Variants in PTPRQ observed in about 807,000 individuals in gnomAD.
PTPRQ encodes protein tyrosine phosphatase receptor type Q.
A neutral mutation model predicts 246.0 loss-of-function variants in PTPRQ; 199 were observed. The observed-to-expected ratio is 0.81, with a 90% CI of 0.72 to 0.91. The LOEUF (loss-of-function observed/expected upper bound fraction) is 0.91, where lower values mean the gene tolerates loss of function less well. Ranked by LOEUF, PTPRQ falls within the 40% of genes least tolerant of loss-of-function variation. The probability of loss-of-function intolerance (pLI) is 0.00; values close to 1 mark genes in which losing one functional copy is unlikely to be tolerated. For missense variants in PTPRQ, 2,624 were observed against 2,528.4 expected (o/e 1.04, Z -0.81); for synonymous variants, 869 against 853.2 (o/e 1.02, Z -0.32).
intron 25 of PTPRQ, among the ~76,000 whole-genome samples, chr12:80,569,098 T>C (rs1260840096): frequency 6.6e-6 from 1 of 151,614 alleles, no homozygotes; most frequent in Non-Finnish European, 1.5e-5. Context: ...TACTGAGTTA[T>C]AGGAGTTCTT....
intron 17 of PTPRQ, among the ~76,000 whole-genome samples, chr12:80,522,275 A>G (rs1409536921): frequency 2.0e-5 from 3 of 152,074 alleles, no homozygotes; most frequent in Non-Finnish European, 2.9e-5. Context: ...GAGACGATGG[A>G]GTTTTCTAGA....
rs12314008 is a variant in PTPRQ, at chr12:80,594,490, A to G, written c.4609+6038A>G. Among the ~76,000 whole-genome samples, 327 of 152,256 alleles carry G rather than the reference A, an allele frequency of 2.1e-3. 3 individuals carry two copies. The highest frequency in any genetic ancestry group is 7.5e-3 in the African/African-American group (310 of 41,570). On this transcript the variant is annotated intron_variant, in intron 26 of 44. Coordinates refer to ENST00000644991, the MANE Select transcript of PTPRQ (RefSeq NM_001145026.2). ...TAAATTAGTTACACAGGACTCCCTA[A>G]TGGGTAATTCAAGACAACATTTCTG...
chr12:80,542,629 A>G, intron 22 of PTPRQ, 101 bp from the exon 23 acceptor site: 1 of 1,308,116 alleles, frequency 7.6e-7, no homozygotes, highest in Non-Finnish European at 1.0e-6. Context: ...TGATCATTTT[A>G]TAAATCTTTT....
At chr12:80,642,354 G>A (rs887173519) in intron 35 of PTPRQ, among the ~76,000 whole-genome samples, 4 of 152,130 alleles carry the variant, frequency 2.6e-5, no homozygotes, top group African/African-American at 9.7e-5. Context: ...ACTTTGATCA[G>A]TCTCTTTCTC....
At chr12:80,467,979 C>T (rs1332455469) in intron 6 of PTPRQ, among the ~76,000 whole-genome samples, 1 of 152,220 alleles carries the variant, frequency 6.6e-6, no homozygotes, top group African/African-American at 2.4e-5. Flanking sequence ...GCACGTTGTG[C>T]ACATGTACCC....
chr12:80,672,621 A>T (rs1379024422), intron 42 of PTPRQ, among the ~76,000 whole-genome samples: 1 of 152,038 alleles, frequency 6.6e-6, no homozygotes, highest in Non-Finnish European at 1.5e-5. Flanking sequence ...TGGAGCATAT[A>T]CCTGTCTTTG....
intron 8 of PTPRQ, among the ~76,000 whole-genome samples, chr12:80,476,293 T>C (rs1342622755): frequency 6.6e-6 from 1 of 152,182 alleles, no homozygotes; most frequent in Non-Finnish European, 1.5e-5. Flanking sequence ...TGCATATTGG[T>C]AAATATGATG....
At chr12:80,620,679 C>A (rs139326483) in intron 32 of PTPRQ, among the ~76,000 whole-genome samples, 35 of 151,852 alleles carry the variant, frequency 2.3e-4, no homozygotes, top group Middle Eastern at 6.8e-3. Flanking sequence ...GAATTTAATT[C>A]TTTCTGTAGA....
chr12:80,463,273 G>T (rs1441719985), intron 6 of PTPRQ, among the ~76,000 whole-genome samples: 1 of 152,204 alleles, frequency 6.6e-6, no homozygotes, highest in African/African-American at 2.4e-5. Flanking sequence ...ATCAGCGATG[G>T]AAGATGAAAT....
At chr12:80,622,431 A>G (rs1592727753) in intron 33 of PTPRQ, among the ~76,000 whole-genome samples, 1 of 152,006 alleles carries the variant, frequency 6.6e-6, no homozygotes, top group East Asian at 1.9e-4. Flanking sequence ...GTCTGGAGCC[A>G]TTTTTGGCTG....
At chr12:80,676,164 G>A (rs143926697) in intron 43 of PTPRQ, among the ~76,000 whole-genome samples, 2,016 of 152,172 alleles carry the variant, frequency 0.013, 46 homozygotes, top group African/African-American at 0.046. Flanking sequence ...AACCAGCATT[G>A]CCTTGCACAA....
rs147912532 is a variant in PTPRQ, at chr12:80,574,774, T to C, written c.4286-13355T>C. 1.5e-4 allele frequency among the ~76,000 whole-genome samples: 23 copies of C among 152,334 alleles called. No homozygotes were observed. In the East Asian group the frequency reaches 4.2e-3, roughly 28 times the overall value. ...ATGTCAGGTTGTTATACGTGTCAGC[T>C]ATATATATTAATATACGTGTGTATG... On this transcript the variant is annotated intron_variant, in intron 25 of 44. Transcript: ENST00000644991.
At chr12:80,564,005 CT>C (rs1213075511) in intron 25 of PTPRQ, among the ~76,000 whole-genome samples, 1 of 151,820 alleles carries the variant, frequency 6.6e-6, no homozygotes, top group East Asian at 1.9e-4. Context: ...TGAAAATTTT[CT>C]GTCTTGCTAG....
At chr12:80,614,513 A>G (rs149110339) in intron 29 of PTPRQ, among the ~76,000 whole-genome samples, 2,677 of 151,030 alleles carry the variant, frequency 0.018, 54 homozygotes, top group South Asian at 0.071. Flanking sequence ...ATTAATATCA[A>G]TGTAATTATC....
At position 80,463,535 on chromosome 12, in the gene PTPRQ, T is replaced by G. The variant is rs550798172; in HGVS notation, c.910+2633T>G. Among the ~76,000 whole-genome samples the G allele has an allele frequency of 2.9e-3, 445 of 151,980 alleles. 3 individuals are homozygous for G. Among genetic ancestry groups the G allele is most frequent in the African/African-American group, 0.01 (426 of 41,306 alleles). ...CAGAGAATGCCACAAAGATACTCCT[T>G]GAGAAGAGCAACTCTAAGACACATA... On this transcript the variant is annotated intron_variant, in intron 6 of 44. Coordinates refer to ENST00000644991, the MANE Select transcript of PTPRQ (RefSeq NM_001145026.2).
At chr12:80,605,007 T>C in intron 26 of PTPRQ, 52 bp from the exon 27 acceptor site, 9 of 1,470,218 alleles carry the variant, frequency 6.1e-6, no homozygotes, top group Non-Finnish European at 8.1e-6. Flanking sequence ...TATTGTGCTG[T>C]AGCAAGTACT....
intron 16 of PTPRQ, among the ~76,000 whole-genome samples, chr12:80,508,895 A>C (rs1407314003): frequency 6.6e-6 from 1 of 152,090 alleles, no homozygotes; most frequent in Non-Finnish European, 1.5e-5. Flanking sequence ...ATCTTAAAGC[A>C]TATTATAGAG....
chr12:80,599,429 A>G (rs776276143), intron 26 of PTPRQ, among the ~76,000 whole-genome samples: 6 of 151,906 alleles, frequency 3.9e-5, no homozygotes, highest in Non-Finnish European at 7.4e-5. Context: ...GTTTATGGGG[A>G]GACAAACAAA....
chr12:80,486,506 C>T lies in PTPRQ; in HGVS notation c.1359+1901C>T, dbSNP rs116644931. 8.3e-3 allele frequency among the ~76,000 whole-genome samples: 1,265 copies of T among 152,232 alleles called. 17 individuals are homozygous for T. Among genetic ancestry groups the T allele is most frequent in the African/African-American group, 0.029 (1,188 of 41,550 alleles). On this transcript the variant is annotated intron_variant, in intron 9 of 44. Transcript: ENST00000644991. ...CCCTGGGTTCTTGGCCTGACTCTGC[C>T]GTGTTCTAGGTCTATGACCTTAGAA...
Sources: allele counts gnomAD v4.1 joint callset (sites outside exome capture counted in the v4.1 genomes callset), GRCh38; gene constraint gnomAD v4.1.1; transcripts MANE v1.5; gene names NCBI Gene and HGNC (gene_info 2026-07-23, HGNC 2026-07-21).